Variants in TMEFF1 observed in about 807,000 individuals in gnomAD.
TMEFF1 encodes transmembrane protein with EGF like and two follistatin like domains 1.
Under a neutral mutation model 47.5 loss-of-function variants are expected in TMEFF1, and 20 were observed. That is an observed-to-expected ratio of 0.42 (90% CI 0.30 to 0.61). The LOEUF (loss-of-function observed/expected upper bound fraction) is 0.61, where lower values mean the gene tolerates loss of function less well. TMEFF1 is among the 20% of genes least tolerant of loss of function. The pLI is 0.19. For synonymous variants in TMEFF1, 162 were observed against 166.3 expected (o/e 0.97, Z 0.20); for missense variants, 411 against 471.1 (o/e 0.87, Z 1.18).
intron 5 of TMEFF1, among the ~76,000 whole-genome samples, chr9:100,523,609 T>C (rs370747705): frequency 6.6e-6 from 1 of 152,240 alleles, no homozygotes; most frequent in Non-Finnish European, 1.5e-5. Context: ...TTGCAGGCTT[T>C]ATTAGGTGTT....
chr9:100,494,486 A>G (rs1837615748), intron 1 of TMEFF1, among the ~76,000 whole-genome samples: 1 of 152,136 alleles, frequency 6.6e-6, no homozygotes, highest in South Asian at 2.1e-4. Context: ...GGAAAGAGGA[A>G]ATCCACAGGC....
intron 5 of TMEFF1, among the ~76,000 whole-genome samples, chr9:100,541,819 T>A (rs1344309251): frequency 6.6e-6 from 1 of 152,196 alleles, no homozygotes; most frequent in Non-Finnish European, 1.5e-5. Context: ...CCTATAATCC[T>A]TTTTGACCTA....
chr9:100,488,366 A>T (rs1837488802), intron 1 of TMEFF1, among the ~76,000 whole-genome samples: 1 of 152,196 alleles, frequency 6.6e-6, no homozygotes, highest in African/African-American at 2.4e-5. Flanking sequence ...TTTTACAGAA[A>T]GTGCTGACGT....
At chr9:100,487,892 C>T (rs564459026) in intron 1 of TMEFF1, among the ~76,000 whole-genome samples, 422 of 152,056 alleles carry the variant, frequency 2.8e-3, no homozygotes, top group Non-Finnish European at 4.5e-3. Flanking sequence ...TTCTAATGCA[C>T]CAGAATTTTG....
chr9:100,505,013 T>C (rs556013024), intron 2 of TMEFF1, among the ~76,000 whole-genome samples: 186 of 152,284 alleles, frequency 1.2e-3, no homozygotes, highest in African/African-American at 4.4e-3. Context: ...AAGTAATTTA[T>C]AATAAAATAA....
chr9:100,529,692 A>G (rs1838338708), intron 5 of TMEFF1, among the ~76,000 whole-genome samples: 1 of 152,178 alleles, frequency 6.6e-6, no homozygotes, highest in South Asian at 2.1e-4. Context: ...AACGAGACAG[A>G]AAGTCAACAA....
rs1310568637 is a variant in TMEFF1 at position 100,576,941 on chromosome 9, A to G, written c.*341A>G. On this transcript the variant is annotated 3_prime_UTR_variant, in exon 10 of 10. Transcript: ENST00000374879. ...TCCACAATGACCACAGCAAATGACC[A>G]AGCATGAACTAAAGGTAAAGATGTT... The G allele has an allele frequency of 1.7e-5, 3 of 175,318 alleles. No homozygotes were observed. The highest frequency in any genetic ancestry group is 1.2e-4 in the Admixed American group (2 of 17,020). The allele number at this position is 175,318 out of a possible 1,614,324, so 10.9% of individuals were successfully genotyped here. A position where few individuals can be genotyped will look rare whatever the true frequency, so the allele number is the denominator to read the frequency against.
chr9:100,549,132 A>G (rs1242327606), intron 6 of TMEFF1, among the ~76,000 whole-genome samples: 2 of 152,172 alleles, frequency 1.3e-5, no homozygotes, highest in Non-Finnish European at 2.9e-5. Flanking sequence ...TATAAAGAAA[A>G]GAGGTATAAT....
At chr9:100,571,393 T>C (rs1839236387) in intron 8 of TMEFF1, among the ~76,000 whole-genome samples, 1 of 152,192 alleles carries the variant, frequency 6.6e-6, no homozygotes, top group Admixed American at 6.5e-5. Flanking sequence ...TTATAGTCAC[T>C]GGATGGAGTA....
At chr9:100,572,100 TG>T (rs113730052) in intron 8 of TMEFF1, among the ~76,000 whole-genome samples, 3 of 152,104 alleles carry the variant, frequency 2.0e-5, no homozygotes, top group Admixed American at 6.5e-5. Flanking sequence ...GCCCGGGAGT[TG>T]GGGGGGATCC....
chr9:100,519,942 A>G (rs566698272), intron 5 of TMEFF1, among the ~76,000 whole-genome samples: 72 of 152,248 alleles, frequency 4.7e-4, no homozygotes, highest in African/African-American at 1.5e-3. Flanking sequence ...AAGTCAAACA[A>G]AATTCTGTGG....
chr9:100,572,556 C>G lies in TMEFF1; in HGVS notation c.938C>G (p.Thr313Arg), dbSNP rs774991907. ...SGYTGQHCEK[T>R]DFSILYVVPS... ...TACACTGGACAGCACTGTGAAAAGA[C>G]AGACTTTAGTATTCTCTATGTAGTG... The change falls in exon 9 of 10, where the codon ACA becomes AGA. Residue 313 changes from threonine to arginine, a missense_variant. Transcript: ENST00000374879. The G allele has an allele frequency of 3.1e-6, 5 of 1,612,788 alleles. No individual in the cohort carries two copies. The highest frequency in any genetic ancestry group is 1.3e-5 in the African/African-American group (1 of 74,834).
intron 5 of TMEFF1, among the ~76,000 whole-genome samples, chr9:100,537,985 TA>T (rs1274005462): frequency 6.6e-6 from 1 of 152,192 alleles, no homozygotes; most frequent in African/African-American, 2.4e-5. Context: ...GTATGAAAAC[TA>T]AAATATACAC....
In TMEFF1 at chr9:100,543,663, G is replaced by A. The variant is rs115832049; in HGVS notation, c.561-4081G>A. On this transcript the variant is annotated intron_variant, in intron 5 of 9. Coordinates refer to ENST00000374879, the MANE Select transcript of TMEFF1 (RefSeq NM_003692.5). ...GGAAGAAGAATAATTGTCTTGGGCTGCACATAAAATAAACTAACACTAACA... is the reference window on the plus strand; with the variant it reads ...GGAAGAAGAATAATTGTCTTGGGCTACACATAAAATAAACTAACACTAACA... 6.8e-3 allele frequency among the ~76,000 whole-genome samples: 1,006 copies of A among 147,254 alleles called. 7 individuals carry two copies. Among genetic ancestry groups the A allele is most frequent in the African/African-American group, 0.025 (978 of 39,440 alleles).
intron 7 of TMEFF1, among the ~76,000 whole-genome samples, chr9:100,558,922 T>C (rs566858596): frequency 6.6e-6 from 1 of 152,272 alleles, no homozygotes; most frequent in Non-Finnish European, 1.5e-5. Context: ...GACATCACTG[T>C]CATCTTCATT....
intron 5 of TMEFF1, among the ~76,000 whole-genome samples, chr9:100,545,605 T>G (rs1423707813): frequency 6.6e-6 from 1 of 152,244 alleles, no homozygotes; most frequent in Admixed American, 6.5e-5. Flanking sequence ...AACATTCGAC[T>G]GCTTGTAACT....
intron 9 of TMEFF1, among the ~76,000 whole-genome samples, chr9:100,573,165 G>T (rs1487984161): frequency 6.6e-6 from 1 of 151,984 alleles, no homozygotes; most frequent in Non-Finnish European, 1.5e-5. Context: ...ACATGCATAG[G>T]AGATCCATGC....
intron 1 of TMEFF1, among the ~76,000 whole-genome samples, chr9:100,488,485 A>T (rs1837490745): frequency 6.6e-6 from 1 of 152,250 alleles, no homozygotes. Context: ...ATGCATATGG[A>T]CACATGAGAG....
intron 5 of TMEFF1, among the ~76,000 whole-genome samples, chr9:100,518,238 G>C (rs1025726614): frequency 3.3e-5 from 5 of 152,108 alleles, no homozygotes; most frequent in African/African-American, 1.2e-4. Context: ...AGGCTTAGGT[G>C]GGAGGAATGC....
Sources: gnomAD v4.1 joint callset for allele counts (sites outside exome capture counted in the v4.1 genomes callset) on GRCh38, gnomAD v4.1.1 for gene constraint, MANE v1.5 for transcripts, NCBI Gene and HGNC (gene_info 2026-07-23, HGNC 2026-07-21) for gene names.